Variants in GPR137C observed in about 807,000 individuals in gnomAD.
GPR137C encodes integral membrane protein GPR137C.
In GPR137C, 27 loss-of-function variants were observed where a neutral mutation model predicts 43.4. The observed-to-expected ratio is 0.62, with a 90% CI of 0.46 to 0.86. GPR137C has a LOEUF of 0.86. Ranked by LOEUF, GPR137C falls within the 40% of genes least tolerant of loss-of-function variation. The pLI, the probability that GPR137C is intolerant of heterozygous loss-of-function variation, is 0.00. For missense variants in GPR137C, 522 were observed against 534.6 expected (o/e 0.98, Z 0.23); for synonymous variants, 285 against 226.9 (o/e 1.26, Z -2.30).
At chr14:52,621,065 A>G (rs1173795194) in intron 3 of GPR137C, among the ~76,000 whole-genome samples, 1 of 151,934 alleles carries the variant, frequency 6.6e-6, no homozygotes, top group African/African-American at 2.4e-5. Flanking sequence ...TTTCAAGCTT[A>G]GCAAACCCAA....
chr14:52,629,113 A>C (rs1453998718), intron 3 of GPR137C, among the ~76,000 whole-genome samples: 1 of 152,206 alleles, frequency 6.6e-6, no homozygotes, highest in Non-Finnish European at 1.5e-5. Flanking sequence ...GACAGTCCCA[A>C]ATGAGGCCTA....
At position 52,574,396 on chromosome 14, in the gene GPR137C, G is replaced by C. The variant is rs189252241; in HGVS notation, c.444+20805G>C. Among the ~76,000 whole-genome samples, 107 of 152,226 alleles carry C rather than the reference G, an allele frequency of 7.0e-4. 1 individual carries two copies. The East Asian group carries it at 0.017, about 24-fold the overall frequency. On this transcript the variant is annotated intron_variant, in intron 1 of 6. Coordinates refer to ENST00000321662, the MANE Select transcript of GPR137C (RefSeq NM_001099652.2). ...TGAAATACTATGCAGCCATAAAAAA[G>C]GATGAGTTCATGTCCTTTGCAGGGA...
At chr14:52,601,083 A>C (rs1262026452) in intron 3 of GPR137C, among the ~76,000 whole-genome samples, 1 of 152,168 alleles carries the variant, frequency 6.6e-6, no homozygotes. Context: ...GAAACATGGA[A>C]GTTTCTACCA....
chr14:52,588,467 C>T (rs2038740146), intron 1 of GPR137C, among the ~76,000 whole-genome samples: 2 of 152,144 alleles, frequency 1.3e-5, no homozygotes, highest in Admixed American at 6.6e-5. Context: ...GTTAACATCA[C>T]AGTAATTGGA....
At chr14:52,630,994 G>A (rs12881894) in intron 3 of GPR137C, among the ~76,000 whole-genome samples, 67,286 of 152,012 alleles carry the variant, frequency 0.44, 15,932 homozygotes, top group Middle Eastern at 0.56. Flanking sequence ...ACCACAAGCA[G>A]TATTGCTGTC....
chr14:52,596,019 T>C (rs1003447649), intron 1 of GPR137C, among the ~76,000 whole-genome samples: 4 of 152,242 alleles, frequency 2.6e-5, no homozygotes, highest in Admixed American at 6.5e-5. Context: ...ATGTCCTTTT[T>C]GTTGATGTTG....
At chr14:52,628,385 A>T (rs2039254690) in intron 3 of GPR137C, among the ~76,000 whole-genome samples, 1 of 152,252 alleles carries the variant, frequency 6.6e-6, no homozygotes, top group South Asian at 2.1e-4. Flanking sequence ...AATGTAAATG[A>T]AACAAGTGAA....
intron 1 of GPR137C, among the ~76,000 whole-genome samples, chr14:52,577,385 T>A (rs2145956): frequency 0.45 from 68,248 of 151,350 alleles, 15,539 homozygotes; most frequent in South Asian, 0.54. Context: ...CATAAAAAAG[T>A]CATTTCAGAT....
At chr14:52,592,604 G>GA (rs1485875928) in intron 1 of GPR137C, among the ~76,000 whole-genome samples, 3 of 152,154 alleles carry the variant, frequency 2.0e-5, no homozygotes, top group Non-Finnish European at 4.4e-5. Context: ...TTGTGAATGG[G>GA]AATTCACTCA....
In GPR137C at chr14:52,635,088, T is replaced by G; in HGVS notation, c.1263T>G (p.His421Gln). 1 of 1,597,078 alleles carries G rather than the reference T, an allele frequency of 6.3e-7. No individual in the cohort carries two copies. The highest frequency in any genetic ancestry group is 8.5e-7 in the Non-Finnish European group (1 of 1,174,596). Residue 421 changes from histidine to glutamine, a missense_variant, in exon 7 of 7, where the codon CAT becomes CAG. By Grantham distance (24) the His-to-Gln change is conservative. Transcript: ENST00000321662. ...GTAATTTAGATTTGAACAATCATCA[T>G]AGCTTATATGTGACACCACAAAACT... Reference protein sequence around the residue: ...TCSNLDLNNHHSLYVTPQN With the variant: ...TCSNLDLNNHQSLYVTPQN
chr14:52,600,170 G>C lies in GPR137C; in HGVS notation c.546G>C (p.Leu182Phe). 6.2e-7 allele frequency: 1 copy of C among 1,613,900 alleles called. No homozygotes were observed. Among genetic ancestry groups the C allele is most frequent in the Non-Finnish European group, 8.5e-7 (1 of 1,179,846 alleles). Reference sequence around the variant, plus strand: ...GCCTGCTCTTTTTAGTGGTGAACTTGACTTGCGCAATGCTAGTTCATGGAG... The same window carrying C: ...GCCTGCTCTTTTTAGTGGTGAACTTCACTTGCGCAATGCTAGTTCATGGAG... ...MASLLFLVVN[L>F]TCAMLVHGDV... Residue 182 changes from leucine to phenylalanine, a missense_variant, in exon 3 of 7, where the codon TTG becomes TTC. Leu to Phe is a conservative substitution (Grantham distance 22). Around this residue, in one of 3 missense-constraint regions of GPR137C, gnomAD observed 437 missense variants for 425.7 expected, o/e 1.03. Transcript: ENST00000321662.
intron 3 of GPR137C, among the ~76,000 whole-genome samples, chr14:52,602,893 A>G (rs1233749819): frequency 1.3e-5 from 2 of 152,146 alleles, no homozygotes; most frequent in Non-Finnish European, 2.9e-5. Context: ...CATGTATACA[A>G]TATGTAATAA....
intron 1 of GPR137C, among the ~76,000 whole-genome samples, chr14:52,561,068 A>G (rs1439875438): frequency 1.3e-5 from 2 of 151,470 alleles, no homozygotes; most frequent in East Asian, 1.9e-4. Context: ...AGATATATGC[A>G]TAGCCAAGAA....
intron 3 of GPR137C, among the ~76,000 whole-genome samples, chr14:52,623,579 C>G (rs762841121): frequency 5.3e-5 from 8 of 152,126 alleles, no homozygotes; most frequent in Admixed American, 6.5e-5. Flanking sequence ...TGCAGCTTAA[C>G]TTGGACCATG....
At chr14:52,571,727 A>G (rs2038472483) in intron 1 of GPR137C, among the ~76,000 whole-genome samples, 2 of 152,202 alleles carry the variant, frequency 1.3e-5, no homozygotes. Context: ...AAAAGCTAGC[A>G]GAAGACAAGA....
chr14:52,571,226 C>T (rs1342743508), intron 1 of GPR137C, among the ~76,000 whole-genome samples: 2 of 152,158 alleles, frequency 1.3e-5, no homozygotes, highest in African/African-American at 4.8e-5. Context: ...CAACCTGCTC[C>T]TGAATGACAA....
chr14:52,615,567 A>T (rs1442588931), intron 3 of GPR137C, among the ~76,000 whole-genome samples: 1 of 151,332 alleles, frequency 6.6e-6, no homozygotes, highest in Non-Finnish European at 1.5e-5. Context: ...GGACATTTTA[A>T]CAATATTGAT....
chr14:52,633,508 C>A (rs1435317312), intron 4 of GPR137C, 22 bp from the exon 5 acceptor site: 12 of 1,603,978 alleles, frequency 7.5e-6, no homozygotes, highest in Middle Eastern at 1.7e-4. Context: ...TGTAAAAATT[C>A]TCTGCCATGC....
chr14:52,573,519 T>C (rs1310573963), intron 1 of GPR137C, among the ~76,000 whole-genome samples: 2 of 152,192 alleles, frequency 1.3e-5, no homozygotes, highest in African/African-American at 4.8e-5. Flanking sequence ...TGGCTAGCCA[T>C]ATGCAGAACA....
Sources: allele counts gnomAD v4.1 joint callset (sites outside exome capture counted in the v4.1 genomes callset), GRCh38; gene constraint gnomAD v4.1.1; regional missense constraint gnomAD v4.1.1; transcripts MANE v1.5; gene names NCBI Gene and HGNC (gene_info 2026-07-23, HGNC 2026-07-21).